PTPRT: variants seen among roughly 807,000 people sequenced by gnomAD.
PTPRT encodes protein tyrosine phosphatase receptor type T.
PTPRT carries 56 observed loss-of-function variants against 176.8 expected under a neutral mutation model. The observed-to-expected ratio is 0.32, with a 90% confidence interval of 0.26 to 0.40. The LOEUF is 0.40. PTPRT is among the 10% of genes least tolerant of loss of function. PTPRT has a pLI of 1.00. For missense variants in PTPRT, 1,540 were observed against 1,908.2 expected, an observed-to-expected ratio of 0.81 and a Z score of 3.60; for synonymous variants, 783 against 739.0, an observed-to-expected ratio of 1.06 and a Z score of -0.96.
intron 1 of PTPRT, among the ~76,000 whole-genome samples, chr20:42,980,944 G>A (rs577367318): frequency 5.3e-5 from 8 of 152,232 alleles, no homozygotes; most frequent in Non-Finnish European, 1.2e-4. Context: ...CCCAGTCTGC[G>A]GAAGAGTGGG....
chr20:43,028,031 T>C (rs1399559866), intron 1 of PTPRT, among the ~76,000 whole-genome samples: 1 of 152,200 alleles, frequency 6.6e-6, no homozygotes, highest in Non-Finnish European at 1.5e-5. Flanking sequence ...GCCAGAATTT[T>C]CCGAAGTAAG....
At chr20:42,454,550 T>C (rs2070887787) in intron 8 of PTPRT, among the ~76,000 whole-genome samples, 1 of 152,232 alleles carries the variant, frequency 6.6e-6, no homozygotes. Flanking sequence ...TGTAAAACAA[T>C]ACTTCATTAA....
At chr20:42,567,259 A>C (rs2073054764) in intron 7 of PTPRT, among the ~76,000 whole-genome samples, 2 of 151,922 alleles carry the variant, frequency 1.3e-5, no homozygotes, top group African/African-American at 4.8e-5. Flanking sequence ...GGGCAACAAG[A>C]GTGAAACTCC....
chr20:43,041,561 G>A (rs931586530), intron 1 of PTPRT, among the ~76,000 whole-genome samples: 1 of 152,200 alleles, frequency 6.6e-6, no homozygotes, highest in African/African-American at 2.4e-5. Flanking sequence ...CCAGCCTTGG[G>A]TGATGGCCAT....
At chr20:42,924,004 C>T (rs1979328852) in intron 1 of PTPRT, among the ~76,000 whole-genome samples, 1 of 152,112 alleles carries the variant, frequency 6.6e-6, no homozygotes, top group Admixed American at 6.5e-5. Context: ...GCCACCATGC[C>T]TGGCTAATTT....
chr20:42,662,756 A>T (rs2075246208), intron 7 of PTPRT, among the ~76,000 whole-genome samples: 1 of 152,130 alleles, frequency 6.6e-6, no homozygotes, highest in Non-Finnish European at 1.5e-5. Context: ...ACTGAGCTTG[A>T]AGCTTGGTTT....
chr20:42,353,132 T>C (rs2058310461), intron 9 of PTPRT, among the ~76,000 whole-genome samples: 1 of 152,228 alleles, frequency 6.6e-6, no homozygotes, highest in Non-Finnish European at 1.5e-5. Flanking sequence ...CTGCTTTTCA[T>C]AAGTGCAGTA....
intron 7 of PTPRT, among the ~76,000 whole-genome samples, chr20:42,627,312 G>T (rs1414294646): frequency 6.6e-6 from 1 of 151,372 alleles, no homozygotes; most frequent in Non-Finnish European, 1.5e-5. Flanking sequence ...TAAGAGATAG[G>T]GTCTCTTTCA....
chr20:42,806,860 G>C (rs2077617294), intron 2 of PTPRT, among the ~76,000 whole-genome samples: 1 of 152,146 alleles, frequency 6.6e-6, no homozygotes, highest in South Asian at 2.1e-4. Context: ...AGATTCAGAA[G>C]GACAGGGGTT....
intron 1 of PTPRT, among the ~76,000 whole-genome samples, chr20:43,100,155 G>A (rs911678545): frequency 6.6e-6 from 1 of 152,270 alleles, no homozygotes. Context: ...GCAGGTGGAT[G>A]ACTTGAGATC....
intron 13 of PTPRT, among the ~76,000 whole-genome samples, chr20:42,254,292 A>G (rs2056599454): frequency 6.6e-6 from 1 of 152,198 alleles, no homozygotes; most frequent in Admixed American, 6.5e-5. Context: ...TGCTACTCAA[A>G]AAGTGGTCCA....
chr20:42,294,555 T>C (rs1423706189), intron 12 of PTPRT, among the ~76,000 whole-genome samples: 2 of 152,092 alleles, frequency 1.3e-5, no homozygotes, highest in Admixed American at 6.6e-5. Context: ...AAACTGTTTC[T>C]GAACTGAGAA....
intron 9 of PTPRT, among the ~76,000 whole-genome samples, chr20:42,426,215 C>G (rs1011387692): frequency 2.0e-5 from 3 of 152,192 alleles, no homozygotes; most frequent in Non-Finnish European, 4.4e-5. Context: ...GCTCACCACA[C>G]TCCCCTATCC....
intron 16 of PTPRT, among the ~76,000 whole-genome samples, chr20:42,186,187 A>G (rs1203520890): frequency 6.6e-6 from 1 of 152,078 alleles, no homozygotes; most frequent in Non-Finnish European, 1.5e-5. Context: ...CAAAGACCAG[A>G]GAGTAAATAT....
rs145468462 is a variant in PTPRT at position 42,608,498 on chromosome 20, G to A, written c.1153+69368C>T. Among the ~76,000 whole-genome samples the A allele has an allele frequency of 6.4e-3, 977 of 152,250 alleles. 6 individuals carry two copies. Among genetic ancestry groups the A allele is most frequent in the Non-Finnish European group, 9.8e-3 (668 of 68,012 alleles). On this transcript the variant is annotated intron_variant, in intron 7 of 30. Coordinates refer to ENST00000373187, the MANE Select transcript of PTPRT (RefSeq NM_007050.6). ...CTCTGTCTGGGGGATAAACAATGCTGGGATGTTCCAACATAGCAGGATTTG... is the reference window on the plus strand; with the variant it reads ...CTCTGTCTGGGGGATAAACAATGCTAGGATGTTCCAACATAGCAGGATTTG...
Position 42,885,897 on chromosome 20 carries a change from C to G in PTPRT, c.124G>C (p.Gly42Arg). 1 of 1,610,628 alleles carries G rather than the reference C, an allele frequency of 6.2e-7. No homozygotes were observed. Among genetic ancestry groups the G allele is most frequent in the Non-Finnish European group, 8.5e-7 (1 of 1,177,714 alleles). The change falls in exon 2 of 31, where the codon GGT becomes CGT. Residue 42 changes from glycine to arginine, a missense_variant. This residue lies in a region of PTPRT where 116 missense variants were observed against 118.5 expected (regional missense o/e 0.98). Coordinates refer to ENST00000373187, the MANE Select transcript of PTPRT (RefSeq NM_007050.6). ...TTGGTCCCTAGAGCCACACTATAAC[C>G]ACAGTTGCTGTAGTGCTCATCAAAG... Reference protein sequence around the residue: ...CSFDEHYSNCGYSVALGTNGF... With the variant: ...CSFDEHYSNCRYSVALGTNGF...
intron 1 of PTPRT, among the ~76,000 whole-genome samples, chr20:42,898,973 C>G (rs550160562): frequency 2.0e-5 from 3 of 152,176 alleles, no homozygotes; most frequent in Non-Finnish European, 4.4e-5. Flanking sequence ...TCCCGCCCAA[C>G]CCAGTGAGTC....
intron 27 of PTPRT, 123 bp downstream of exon 27, chr20:42,098,297 AC>A (rs1182431161): frequency 7.4e-7 from 1 of 1,352,904 alleles, no homozygotes; most frequent in Non-Finnish European, 1.0e-6. Context: ...GTGGCCAGAC[AC>A]TGCTTATTAC....
intron 19 of PTPRT, among the ~76,000 whole-genome samples, chr20:42,126,617 C>A (rs1025726296): frequency 6.6e-6 from 1 of 152,188 alleles, no homozygotes; most frequent in Non-Finnish European, 1.5e-5. Context: ...ACTTCCCTTT[C>A]CCACCAACTT....
Sources: allele counts gnomAD v4.1 joint callset (sites outside exome capture counted in the v4.1 genomes callset), GRCh38; gene constraint gnomAD v4.1.1; regional missense constraint gnomAD v4.1.1; transcripts MANE v1.5; gene names NCBI Gene and HGNC (gene_info 2026-07-23, HGNC 2026-07-21).